The following NRG3 variants were observed in gnomAD, a reference collection of about 807,000 sequenced individuals.
The protein encoded by NRG3 is pro-neuregulin-3, membrane-bound isoform.
Under a neutral mutation model 66.9 loss-of-function variants are expected in NRG3, and 31 were observed. That is an observed-to-expected ratio of 0.46 (90% CI 0.35 to 0.63). The LOEUF (loss-of-function observed/expected upper bound fraction) is 0.63, where lower values mean the gene tolerates loss of function less well. Ranked by LOEUF, NRG3 falls within the 20% of genes least tolerant of loss-of-function variation. NRG3 has a pLI of 0.00. For missense variants in NRG3, 910 were observed against 878.9 expected (o/e 1.04, Z -0.45); for synonymous variants, 393 against 359.4 (o/e 1.09, Z -1.06).
At chr10:82,532,203 G>A (rs1397618558) in intron 2 of NRG3, among the ~76,000 whole-genome samples, 2 of 151,402 alleles carry the variant, frequency 1.3e-5, no homozygotes, top group African/African-American at 4.8e-5. Flanking sequence ...AACTAATGTT[G>A]CCCTATTATG....
intron 1 of NRG3, among the ~76,000 whole-genome samples, chr10:82,199,476 A>G (rs989547869): frequency 5.3e-5 from 8 of 152,164 alleles, no homozygotes; most frequent in Non-Finnish European, 8.8e-5. Flanking sequence ...AAACACTTTC[A>G]TTTGAAAATT....
intron 2 of NRG3, among the ~76,000 whole-genome samples, chr10:82,582,502 C>G (rs546792207): frequency 1.3e-5 from 2 of 152,188 alleles, no homozygotes; most frequent in East Asian, 3.9e-4. Flanking sequence ...TCTTGGACAT[C>G]TGTTCAGCTT....
chr10:82,103,505 A>C (rs181671423), intron 1 of NRG3, among the ~76,000 whole-genome samples: 1 of 152,272 alleles, frequency 6.6e-6, no homozygotes, highest in East Asian at 1.9e-4. Flanking sequence ...TTGTTACTCT[A>C]TATTTGACTG....
intron 1 of NRG3, among the ~76,000 whole-genome samples, chr10:82,123,493 C>A (rs1011235700): frequency 6.6e-6 from 1 of 152,114 alleles, no homozygotes; most frequent in Non-Finnish European, 1.5e-5. Flanking sequence ...TACTGTTTGG[C>A]AAACTAGACA....
chr10:82,094,997 G>T (rs1306557852), intron 1 of NRG3, among the ~76,000 whole-genome samples: 2 of 152,130 alleles, frequency 1.3e-5, no homozygotes, highest in Non-Finnish European at 2.9e-5. Context: ...ATATATTCAT[G>T]TGGCATAACT....
At chr10:82,824,209 T>C (rs751187496) in intron 3 of NRG3, among the ~76,000 whole-genome samples, 1 of 152,224 alleles carries the variant, frequency 6.6e-6, no homozygotes. Context: ...TGCAACACCA[T>C]TTCATTATTT....
chr10:82,744,364 G>A (rs940072733), intron 3 of NRG3, among the ~76,000 whole-genome samples: 1 of 152,182 alleles, frequency 6.6e-6, no homozygotes, highest in African/African-American at 2.4e-5. Flanking sequence ...GGTGCTGGCA[G>A]GTTCAGTGTC....
At position 81,982,427 on chromosome 10, in the gene NRG3, T is replaced by C. The variant is rs1489421573; in HGVS notation, c.823+106264T>C. On this transcript the variant is annotated intron_variant, in intron 1 of 8. Transcript: ENST00000372141. ...TCAAACCTCTCACAGCCTCTACTCA[T>C]TACTTCTAAAGCTGCTTCCACATTT... Among the ~76,000 whole-genome samples the C allele has an allele frequency of 2.0e-5, 3 of 152,222 alleles. No homozygotes were observed. In the East Asian group the frequency reaches 5.8e-4, roughly 29 times the overall value.
At position 81,926,579 on chromosome 10, in the gene NRG3, A is replaced by C. The variant is rs77421697; in HGVS notation, c.823+50416A>C. On this transcript the variant is annotated intron_variant, in intron 1 of 8. Coordinates refer to ENST00000372141, the MANE Select transcript of NRG3 (RefSeq NM_001010848.4). ...TTTTAGCAGATTTTATTTATGCCACATGACAAGTGTTTGTGTAATTAAACA... is the reference window on the plus strand; with the variant it reads ...TTTTAGCAGATTTTATTTATGCCACCTGACAAGTGTTTGTGTAATTAAACA... Among the ~76,000 whole-genome samples, 738 of 152,274 alleles carry C rather than the reference A, an allele frequency of 4.8e-3. 8 individuals are homozygous for C. The highest frequency in any genetic ancestry group is 8.0e-3 in the Non-Finnish European group (547 of 68,016).
At chr10:82,177,006 G>A (rs1242229195) in intron 1 of NRG3, among the ~76,000 whole-genome samples, 1 of 151,548 alleles carries the variant, frequency 6.6e-6, no homozygotes, top group Admixed American at 6.6e-5. Flanking sequence ...TTGCCAATTA[G>A]GACAAGTTAC....
intron 3 of NRG3, among the ~76,000 whole-genome samples, chr10:82,778,372 G>A (rs892697753): frequency 6.6e-6 from 1 of 152,182 alleles, no homozygotes; most frequent in Non-Finnish European, 1.5e-5. Context: ...TTACAGTTCT[G>A]CATTGCTGGG....
At chr10:81,970,994 G>A (rs988003038) in intron 1 of NRG3, among the ~76,000 whole-genome samples, 1 of 152,166 alleles carries the variant, frequency 6.6e-6, no homozygotes, top group African/African-American at 2.4e-5. Context: ...ACAAAAATTA[G>A]TTGGGCATGG....
chr10:82,604,164 GCCT>G (rs2047813400), intron 2 of NRG3, among the ~76,000 whole-genome samples: 1 of 152,006 alleles, frequency 6.6e-6, no homozygotes. Flanking sequence ...TAATTTTACT[GCCT>G]CCAAAATCCC....
chr10:82,560,299 T>C (rs1447967286), intron 2 of NRG3, among the ~76,000 whole-genome samples: 9 of 151,710 alleles, frequency 5.9e-5, no homozygotes, highest in Non-Finnish European at 1.2e-4. Context: ...ATTTTTATTA[T>C]TTTTTATTGT....
intron 1 of NRG3, among the ~76,000 whole-genome samples, chr10:82,048,443 A>T (rs2063419822): frequency 6.6e-6 from 1 of 152,084 alleles, no homozygotes; most frequent in African/African-American, 2.4e-5. Context: ...GGATTAAGAG[A>T]CTCACTCAAA....
intron 1 of NRG3, among the ~76,000 whole-genome samples, chr10:82,135,719 G>T (rs1035800787): frequency 2.0e-5 from 3 of 152,036 alleles, no homozygotes; most frequent in African/African-American, 7.2e-5. Context: ...AAATTTATCT[G>T]ATAGGATTCT....
At chr10:82,505,909 T>C (rs1230074317) in intron 2 of NRG3, among the ~76,000 whole-genome samples, 1 of 152,218 alleles carries the variant, frequency 6.6e-6, no homozygotes, top group Non-Finnish European at 1.5e-5. Flanking sequence ...GCTACAAGGA[T>C]TTTTAATGGT....
chr10:82,732,944 C>T (rs1482724229), intron 2 of NRG3, among the ~76,000 whole-genome samples: 2 of 152,118 alleles, frequency 1.3e-5, no homozygotes, highest in African/African-American at 2.4e-5. Flanking sequence ...ATTTAATAGC[C>T]CTGTTAAATT....
intron 1 of NRG3, among the ~76,000 whole-genome samples, chr10:82,217,313 G>T (rs2516327): frequency 0.045 from 6,857 of 152,214 alleles, 194 homozygotes; most frequent in Middle Eastern, 0.13. Flanking sequence ...GGGTGCCATC[G>T]CTCTTAACAC....
Sources: allele counts gnomAD v4.1 joint callset (sites outside exome capture counted in the v4.1 genomes callset), GRCh38; gene constraint gnomAD v4.1.1; transcripts MANE v1.5; gene names NCBI Gene and HGNC (gene_info 2026-07-23, HGNC 2026-07-21).